The following TAFA5 variants were observed in gnomAD, a reference collection of about 807,000 sequenced individuals.
The protein encoded by TAFA5 is TAFA chemokine like family member 5.
Under a neutral mutation model 15.3 loss-of-function variants are expected in TAFA5, and 6 were observed. The ratio of observed to expected loss-of-function variants is 0.39; its 90% CI spans 0.21 to 0.77. TAFA5 has a LOEUF of 0.77. TAFA5 is among the 30% of genes least tolerant of loss of function. TAFA5 has a pLI of 0.41. For missense variants in TAFA5, 161 were observed against 193.1 expected, an observed-to-expected ratio of 0.83 and a Z score of 0.98; for synonymous variants, 103 against 80.7, an observed-to-expected ratio of 1.28 and a Z score of -1.48.
intron 1 of TAFA5, among the ~76,000 whole-genome samples, chr22:48,627,462 G>A (rs1384971138): frequency 3.9e-5 from 6 of 152,260 alleles, no homozygotes; most frequent in African/African-American, 9.6e-5. Context: ...TCGCGACAGC[G>A]CACGCAAAGA....
At chr22:48,725,300 G>A (rs1039723726) in intron 3 of TAFA5, among the ~76,000 whole-genome samples, 4 of 151,814 alleles carry the variant, frequency 2.6e-5, no homozygotes, top group African/African-American at 9.7e-5. Context: ...GTTTAAAAGG[G>A]CATTTTTTTT....
At chr22:48,610,808 C>T (rs1442464351) in intron 1 of TAFA5, among the ~76,000 whole-genome samples, 6 of 152,212 alleles carry the variant, frequency 3.9e-5, no homozygotes, top group African/African-American at 1.4e-4. Context: ...CGAGCTGTCC[C>T]TGCTGCAGCC....
rs1317199024 is a variant in TAFA5, at chr22:48,727,428, A to T, written c.390+19584A>T. 2.0e-5 allele frequency among the ~76,000 whole-genome samples: 3 copies of T among 152,254 alleles called. No individual in the cohort carries two copies. The East Asian group carries it at 5.8e-4, about 29-fold the overall frequency. The stretch of plus-strand genomic sequence containing the variant: ...TTAGAGAAATGATGTAGTCATTAAG[A>T]GTGCATTTGCTTAACATAAAAGCTA... On this transcript the variant is annotated intron_variant, in intron 3 of 3. Transcript: ENST00000402357.
chr22:48,527,147 C>G (rs557001696), intron 1 of TAFA5, among the ~76,000 whole-genome samples: 1 of 152,376 alleles, frequency 6.6e-6, no homozygotes, highest in East Asian at 1.9e-4. Flanking sequence ...GCCAATTGAC[C>G]AGGCCATGTG....
chr22:48,609,367 T>A (rs1011382383), intron 1 of TAFA5, among the ~76,000 whole-genome samples: 1 of 152,174 alleles, frequency 6.6e-6, no homozygotes, highest in Non-Finnish European at 1.5e-5. Flanking sequence ...CCGAGACCTG[T>A]GGCATCACTG....
intron 2 of TAFA5, among the ~76,000 whole-genome samples, chr22:48,700,190 C>CA (rs1233056726): frequency 6.6e-6 from 1 of 152,118 alleles, no homozygotes; most frequent in Non-Finnish European, 1.5e-5. Flanking sequence ...TCGAATCAGT[C>CA]AATGTTCCAG....
rs146286305 is a variant in TAFA5, at chr22:48,700,361, C to T, written c.263-7356C>T. ...ATCGGCCTTTCCACACACACTAGGC[C>T]GTGAGAGCCTGACCTCGCCGGGGAG... On this transcript the variant is annotated intron_variant, in intron 2 of 3. Transcript: ENST00000402357. Among the ~76,000 whole-genome samples, 30 of 152,234 alleles carry T rather than the reference C, an allele frequency of 2.0e-4. 1 individual carries two copies. The East Asian group carries it at 5.0e-3, about 26-fold the overall frequency.
intron 1 of TAFA5, among the ~76,000 whole-genome samples, chr22:48,639,668 C>T (rs945506035): frequency 6.6e-6 from 1 of 152,186 alleles, no homozygotes; most frequent in Non-Finnish European, 1.5e-5. Context: ...GCCCCACCAG[C>T]CCCCGCCTAG....
At chr22:48,517,010 G>T (rs1204583081) in intron 1 of TAFA5, among the ~76,000 whole-genome samples, 1 of 152,164 alleles carries the variant, frequency 6.6e-6, no homozygotes, top group Admixed American at 6.5e-5. Flanking sequence ...CATTCTGCTG[G>T]CATCTAGTGC....
intron 1 of TAFA5, among the ~76,000 whole-genome samples, chr22:48,642,689 G>C (rs1569060860): frequency 6.6e-6 from 1 of 152,178 alleles, no homozygotes; most frequent in East Asian, 1.9e-4. Flanking sequence ...TGTGGTGTGT[G>C]GCCTGCGTGG....
intron 1 of TAFA5, among the ~76,000 whole-genome samples, chr22:48,564,382 G>C (rs1319747110): frequency 6.6e-6 from 1 of 152,240 alleles, no homozygotes; most frequent in Non-Finnish European, 1.5e-5. Flanking sequence ...GACACAAAAT[G>C]AAGGAAGCTG....
intron 1 of TAFA5, among the ~76,000 whole-genome samples, chr22:48,624,480 GCGTTTT>G (rs1925958621): frequency 6.6e-6 from 1 of 152,204 alleles, no homozygotes; most frequent in Non-Finnish European, 1.5e-5. Context: ...TCGGAGACAT[GCGTTTT>G]CTCCCCATTT....
In TAFA5 at chr22:48,526,521, A is replaced by G. The variant is rs530635113; in HGVS notation, c.112+36817A>G. Among the ~76,000 whole-genome samples the G allele has an allele frequency of 4.6e-5, 7 of 152,092 alleles. No individual in the cohort carries two copies. The South Asian group carries it at 1.2e-3, about 27-fold the overall frequency. On this transcript the variant is annotated intron_variant, in intron 1 of 3. Transcript: ENST00000402357. ...CTGGCTTCTGCGTGCCACCTTGCTC[A>G]CTCCTGGTTAACTCTGCGTGCCGGC...
intron 2 of TAFA5, among the ~76,000 whole-genome samples, chr22:48,699,384 C>G (rs888033951): frequency 6.6e-6 from 1 of 152,102 alleles, no homozygotes; most frequent in Admixed American, 6.5e-5. Flanking sequence ...TATTTAAAAG[C>G]AAACACAAAA....
intron 1 of TAFA5, among the ~76,000 whole-genome samples, chr22:48,596,286 AC>A (rs1675336802): frequency 2.6e-5 from 4 of 152,214 alleles, no homozygotes; most frequent in Non-Finnish European, 5.9e-5. Flanking sequence ...TCTGTTGACC[AC>A]GCTGTGCCTC....
At chr22:48,546,734 A>C (rs1314602316) in intron 1 of TAFA5, 1 of 391,298 alleles carries the variant, frequency 2.6e-6, no homozygotes. Flanking sequence ...TCCACACTCA[A>C]ATGCCCCTCT....
At chr22:48,669,030 C>T (rs2147220634) in intron 2 of TAFA5, among the ~76,000 whole-genome samples, 1 of 152,300 alleles carries the variant, frequency 6.6e-6, no homozygotes, top group South Asian at 2.1e-4. Flanking sequence ...AGAGGGGAGC[C>T]CTCAGGAATG....
At chr22:48,748,910 T>C (rs1930402378) in intron 3 of TAFA5, among the ~76,000 whole-genome samples, 1 of 152,128 alleles carries the variant, frequency 6.6e-6, no homozygotes, top group Non-Finnish European at 1.5e-5. Flanking sequence ...GCTCAGAACT[T>C]TCAGCAGGGC....
rs143914427 is a variant in TAFA5, at chr22:48,558,019, G to C, written c.112+68315G>C. The stretch of plus-strand genomic sequence containing the variant: ...GCTCAGGCAGAGGCCCCAGTCTGAG[G>C]GGGGAGTGGTCTTGTTTCCCTCCCC... On this transcript the variant is annotated intron_variant, in intron 1 of 3. Coordinates refer to ENST00000402357, the MANE Select transcript of TAFA5 (RefSeq NM_001082967.3). Among the ~76,000 whole-genome samples the C allele has an allele frequency of 8.5e-3, 1,301 of 152,260 alleles. 19 individuals carry two copies. Among genetic ancestry groups the C allele is most frequent in the African/African-American group, 0.029 (1,199 of 41,542 alleles).
Sources: gnomAD v4.1 joint callset for allele counts (sites outside exome capture counted in the v4.1 genomes callset) on GRCh38, gnomAD v4.1.1 for gene constraint, MANE v1.5 for transcripts, NCBI Gene and HGNC (gene_info 2026-07-23, HGNC 2026-07-21) for gene names.